Variants in JAKMIP2 observed in about 807,000 individuals in gnomAD.
JAKMIP2 encodes the protein janus kinase and microtubule-interacting protein 2.
Under a neutral mutation model 115.0 loss-of-function variants are expected in JAKMIP2, and 25 were observed. The ratio of observed to expected loss-of-function variants is 0.22; its 90% CI spans 0.16 to 0.30. The LOEUF (loss-of-function observed/expected upper bound fraction) is 0.30. Ranked by LOEUF, JAKMIP2 falls within the 10% of genes least tolerant of loss-of-function variation. JAKMIP2 has a pLI of 1.00. For missense variants in JAKMIP2, 642 were observed against 957.6 expected (o/e 0.67, Z 4.35); for synonymous variants, 334 against 343.6 (o/e 0.97, Z 0.31).
rs866811241 is a variant in JAKMIP2 at position 147,632,696 on chromosome 5, C to T, written c.1760G>A (p.Arg587Gln). 1.2e-6 allele frequency: 2 copies of T among 1,607,718 alleles called. No homozygotes were observed. Among genetic ancestry groups the T allele is most frequent in the Non-Finnish European group, 1.7e-6 (2 of 1,175,566 alleles). The change falls in exon 13 of 22, where the codon CGA becomes CAA. Residue 587 changes from arginine (R) to glutamine (Q), a missense_variant. Arg to Gln is a conservative substitution (Grantham distance 43). Around this residue, in one of 6 missense-constraint regions of JAKMIP2, gnomAD observed 103 missense variants for 177.6 expected, o/e 0.58. Coordinates refer to ENST00000616793, the MANE Select transcript of JAKMIP2 (RefSeq NM_001270941.2). ...TTTCCTTACTTCTAGCTCTAGGTTT[C>T]GAAACTCCAGCAGCTCATTCTGGTC... is the stretch of plus-strand genomic sequence containing the variant. ...ARDQNELLEF[R>Q]NLELEERERR...
At position 147,782,543 on chromosome 5, in the gene JAKMIP2, G is replaced by A; in HGVS notation, c.-236C>T. 7.0e-7 allele frequency: 1 copy of A among 1,428,824 alleles called. No individual in the cohort carries two copies. 88.5% of individuals were successfully genotyped at this position (1,428,824 alleles called of 1,614,324 possible). ...TGTGACCGAGTCGGATGCAGCCTCC[G>A]AACCCAACATCAGCAGTGGCTGCCG... is the stretch of plus-strand genomic sequence containing the variant. On this transcript the variant is annotated 5_prime_UTR_variant, in exon 1 of 22. Transcript: ENST00000616793.
At chr5:147,710,063 T>C (rs567316069) in intron 1 of JAKMIP2, among the ~76,000 whole-genome samples, 1 of 152,296 alleles carries the variant, frequency 6.6e-6, no homozygotes, top group South Asian at 2.1e-4. Flanking sequence ...CAGCCTGTAA[T>C]AGGGGCTTAA....
intron 4 of JAKMIP2, among the ~76,000 whole-genome samples, chr5:147,649,862 C>T (rs1758311909): frequency 6.6e-6 from 1 of 152,082 alleles, no homozygotes; most frequent in Admixed American, 6.6e-5. Context: ...GATGAAAATT[C>T]ATGGAAATAA....
chr5:147,603,285 A>G (rs762971850), intron 20 of JAKMIP2, among the ~76,000 whole-genome samples: 5 of 152,204 alleles, frequency 3.3e-5, no homozygotes, highest in Non-Finnish European at 7.3e-5. Context: ...GGATCATAAC[A>G]TCTGTAGTGT....
At chr5:147,599,345 A>G (rs1201544865) in intron 21 of JAKMIP2, among the ~76,000 whole-genome samples, 3 of 152,200 alleles carry the variant, frequency 2.0e-5, no homozygotes, top group Non-Finnish European at 4.4e-5. Context: ...TAAACTGCCT[A>G]TCATCACACA....
At chr5:147,644,640 G>A (rs1255904761) in intron 6 of JAKMIP2, among the ~76,000 whole-genome samples, 1 of 152,130 alleles carries the variant, frequency 6.6e-6, no homozygotes, top group East Asian at 1.9e-4. Flanking sequence ...ATTCCTGGAA[G>A]CACTCCTACA....
At chr5:147,672,936 G>A (rs1759704434) in intron 1 of JAKMIP2, among the ~76,000 whole-genome samples, 1 of 152,172 alleles carries the variant, frequency 6.6e-6, no homozygotes, top group Non-Finnish European at 1.5e-5. Flanking sequence ...GATAGATGGC[G>A]GGGAGGCCTA....
rs557200825 is a variant in JAKMIP2 at position 147,771,753 on chromosome 5, T to C, written c.-149+10703A>G. Reference sequence around the variant, plus strand: ...CCTGTAATTGTTACATGCATTAATATTCCATTTATATTTGGCCCTTTATCC... The same window carrying C: ...CCTGTAATTGTTACATGCATTAATACTCCATTTATATTTGGCCCTTTATCC... On this transcript the variant is annotated intron_variant, in intron 1 of 21. Coordinates refer to ENST00000616793, the MANE Select transcript of JAKMIP2 (RefSeq NM_001270941.2). Among the ~76,000 whole-genome samples, 74 of 152,250 alleles carry C rather than the reference T, an allele frequency of 4.9e-4. 1 individual carries two copies. The South Asian group carries it at 0.013, about 27-fold the overall frequency.
At chr5:147,592,285 G>T (rs1440796245) in intron 21 of JAKMIP2, among the ~76,000 whole-genome samples, 1 of 152,146 alleles carries the variant, frequency 6.6e-6, no homozygotes, top group East Asian at 1.9e-4. Flanking sequence ...TCCCTTCAGT[G>T]ACTTAATTCT....
intron 1 of JAKMIP2, among the ~76,000 whole-genome samples, chr5:147,760,174 G>A (rs994792450): frequency 1.3e-5 from 2 of 151,946 alleles, no homozygotes; most frequent in African/African-American, 2.4e-5. Context: ...TGTGAAGATC[G>A]AAAGACTTGT....
chr5:147,637,138 A>AG, intron 10 of JAKMIP2, 90 bp from the exon 11 acceptor site: 1 of 749,750 alleles, frequency 1.3e-6, no homozygotes, highest in Non-Finnish European at 2.3e-6. Flanking sequence ...AGAGAGAGAG[A>AG]GGAAAAAAAG....
chr5:147,672,323 CT>C (rs1386295755), intron 1 of JAKMIP2, among the ~76,000 whole-genome samples: 7 of 152,144 alleles, frequency 4.6e-5, no homozygotes, highest in Non-Finnish European at 1.0e-4. Flanking sequence ...ATGTGATGAC[CT>C]CAAAAGGCAG....
At chr5:147,599,004 A>T (rs1436678067) in intron 21 of JAKMIP2, among the ~76,000 whole-genome samples, 5 of 152,186 alleles carry the variant, frequency 3.3e-5, no homozygotes, top group Non-Finnish European at 7.3e-5. Flanking sequence ...AAGCCAGATT[A>T]TTCCCTGAGA....
chr5:147,773,306 A>G (rs1286924069), intron 1 of JAKMIP2, among the ~76,000 whole-genome samples: 6 of 152,134 alleles, frequency 3.9e-5, no homozygotes, highest in African/African-American at 1.4e-4. Context: ...GTCAAACAGC[A>G]CTTAAGCACC....
At chr5:147,752,339 G>A (rs1022991483) in intron 1 of JAKMIP2, among the ~76,000 whole-genome samples, 3 of 152,168 alleles carry the variant, frequency 2.0e-5, no homozygotes, top group African/African-American at 7.2e-5. Flanking sequence ...TAGTGCCTGA[G>A]AAATCATTGC....
At chr5:147,720,786 T>C (rs1287574586) in intron 1 of JAKMIP2, among the ~76,000 whole-genome samples, 19 of 148,010 alleles carry the variant, frequency 1.3e-4, no homozygotes, top group African/African-American at 4.9e-4. Flanking sequence ...TCTTTGCCTT[T>C]GGTTTGAATG....
At chr5:147,753,158 G>A (rs1042517183) in intron 1 of JAKMIP2, among the ~76,000 whole-genome samples, 3 of 152,132 alleles carry the variant, frequency 2.0e-5, no homozygotes, top group Admixed American at 6.5e-5. Flanking sequence ...TTAGATTTCC[G>A]TCTCTACCCC....
chr5:147,620,619 G>T, intron 18 of JAKMIP2, 47 bp downstream of exon 18: 1 of 1,301,862 alleles, frequency 7.7e-7, no homozygotes, highest in Non-Finnish European at 1.1e-6. Flanking sequence ...ATTCCACAGT[G>T]CATAACTGTA....
rs76764277 is a variant in JAKMIP2, at chr5:147,615,355, T to C, written c.2346+2556A>G. ...CAATGCAATGGAAACTAATGGACAC[T>C]TTAGGATGAGCAATTATGCAACAAG... On this transcript the variant is annotated intron_variant, in intron 19 of 21. Coordinates refer to ENST00000616793, the MANE Select transcript of JAKMIP2 (RefSeq NM_001270941.2). Among the ~76,000 whole-genome samples, 45 of 152,224 alleles carry C rather than the reference T, an allele frequency of 3.0e-4. No individual in the cohort carries two copies. The East Asian group carries it at 8.7e-3, about 29-fold the overall frequency.
Sources: allele counts gnomAD v4.1 joint callset (sites outside exome capture counted in the v4.1 genomes callset), GRCh38; gene constraint gnomAD v4.1.1; regional missense constraint gnomAD v4.1.1; transcripts MANE v1.5; gene names NCBI Gene and HGNC (gene_info 2026-07-23, HGNC 2026-07-21).